The following CPA6 variants were observed in gnomAD, a reference collection of about 807,000 sequenced individuals.
The protein encoded by CPA6 is carboxypeptidase B.
CPA6 carries 58 observed loss-of-function variants against 63.3 expected under a neutral mutation model. The ratio of observed to expected loss-of-function variants is 0.92; its 90% CI spans 0.74 to 1.14. The LOEUF (loss-of-function observed/expected upper bound fraction) is 1.14. Ranked by LOEUF, CPA6 falls within the 50% of genes most tolerant of loss-of-function variation. CPA6 has a pLI of 0.00. For missense variants in CPA6, 565 were observed against 526.6 expected (o/e 1.07, Z -0.71); for synonymous variants, 185 against 179.0 (o/e 1.03, Z -0.27).
At chr8:67,694,218 T>C (rs4321985) in intron 1 of CPA6, among the ~76,000 whole-genome samples, 47,889 of 152,142 alleles carry the variant, frequency 0.31, 7,749 homozygotes, top group South Asian at 0.37. Context: ...GCAGATCCAA[T>C]GGTGCTTGAA....
chr8:67,476,261 C>T (rs1811234843), intron 8 of CPA6, among the ~76,000 whole-genome samples: 1 of 152,038 alleles, frequency 6.6e-6, no homozygotes, highest in Non-Finnish European at 1.5e-5. Flanking sequence ...CCTCAGCCTC[C>T]CAAAGTGCTG....
intron 1 of CPA6, among the ~76,000 whole-genome samples, chr8:67,641,845 C>G (rs1214999517): frequency 6.6e-6 from 1 of 151,766 alleles, no homozygotes; most frequent in Non-Finnish European, 1.5e-5. Flanking sequence ...AGTTATAAAA[C>G]TAGTGAGAGA....
chr8:67,633,442 G>C (rs1297090759), intron 1 of CPA6, among the ~76,000 whole-genome samples: 1 of 152,160 alleles, frequency 6.6e-6, no homozygotes, highest in Non-Finnish European at 1.5e-5. Context: ...AGCACTTTGG[G>C]AGGCCAAGGC....
chr8:67,586,566 G>T (rs534159191), intron 2 of CPA6, among the ~76,000 whole-genome samples: 4 of 152,118 alleles, frequency 2.6e-5, no homozygotes, highest in Non-Finnish European at 5.9e-5. Flanking sequence ...TTACCTCAGC[G>T]GGTAATGATA....
chr8:67,496,519 T>TTTTATA (rs1483713208), intron 6 of CPA6, among the ~76,000 whole-genome samples: 37 of 94,122 alleles, frequency 3.9e-4, no homozygotes, highest in African/African-American at 1.3e-3. Context: ...ACTATATAGT[T>TTTTATA]TATATATATA....
rs1004579077 is a variant in CPA6 at position 67,482,778 on chromosome 8, C to T, written c.838+990G>A. Among the ~76,000 whole-genome samples the T allele has an allele frequency of 1.8e-4, 28 of 152,206 alleles. 1 individual carries two copies. The highest frequency in any genetic ancestry group is 1.5e-5 in the Non-Finnish European group (1 of 68,034). ...AGATTGAATAAAATTGCCCAAATTA[C>T]TGAGCTAGTAATGGTAGAATCAGAC... On this transcript the variant is annotated intron_variant, in intron 8 of 10. Coordinates refer to ENST00000297770, the MANE Select transcript of CPA6 (RefSeq NM_020361.5).
At chr8:67,571,691 G>A (rs1324407869) in intron 2 of CPA6, among the ~76,000 whole-genome samples, 1 of 152,108 alleles carries the variant, frequency 6.6e-6, no homozygotes, top group Admixed American at 6.5e-5. Flanking sequence ...TGCAGCAAAA[G>A]CAGTTGTAAG....
intron 2 of CPA6, among the ~76,000 whole-genome samples, chr8:67,563,298 C>T (rs2128974856): frequency 6.6e-6 from 1 of 152,270 alleles, no homozygotes; most frequent in Non-Finnish European, 1.5e-5. Flanking sequence ...GCCTGGGTTG[C>T]ATTTGACTGA....
rs551740919 is a variant in CPA6 at position 67,661,798 on chromosome 8, T to C, written c.117-37547A>G. On this transcript the variant is annotated intron_variant, in intron 1 of 10. Transcript: ENST00000297770. Reference sequence around the variant, plus strand: ...TCTTCCCAGGCCCTGGCAACCACTATTCTACTGTCTGTCTCTATGAACTTG... The same window carrying C: ...TCTTCCCAGGCCCTGGCAACCACTACTCTACTGTCTGTCTCTATGAACTTG... Among the ~76,000 whole-genome samples, 10 of 152,300 alleles carry C rather than the reference T, an allele frequency of 6.6e-5. No homozygotes were observed. In the South Asian group the frequency reaches 2.1e-3, roughly 32 times the overall value.
chr8:67,664,217 G>A (rs577559297), intron 1 of CPA6, among the ~76,000 whole-genome samples: 3 of 152,278 alleles, frequency 2.0e-5, no homozygotes, highest in East Asian at 1.9e-4. Context: ...TCCACCTTGC[G>A]AGGTGAGAGA....
chr8:67,592,037 T>C (rs1477893810), intron 2 of CPA6, among the ~76,000 whole-genome samples: 2 of 152,172 alleles, frequency 1.3e-5, no homozygotes, highest in Non-Finnish European at 2.9e-5. Context: ...CATAGATAGC[T>C]CTTATTATTT....
intron 5 of CPA6, 58 bp from the exon 6 acceptor site, chr8:67,506,946 T>A (rs1811942761): frequency 8.4e-7 from 1 of 1,188,486 alleles, no homozygotes; most frequent in African/African-American, 1.5e-5. Context: ...CTGACCAGCA[T>A]AATTTAATAA....
At chr8:67,720,001 G>T (rs1817461869) in intron 1 of CPA6, among the ~76,000 whole-genome samples, 1 of 152,136 alleles carries the variant, frequency 6.6e-6, no homozygotes, top group Admixed American at 6.5e-5. Flanking sequence ...CACCAAACAG[G>T]CTTTGTGTGA....
intron 2 of CPA6, among the ~76,000 whole-genome samples, chr8:67,562,506 T>C (rs1485881662): frequency 6.6e-6 from 1 of 152,058 alleles, no homozygotes; most frequent in African/African-American, 2.4e-5. Context: ...TCTGCATTCG[T>C]TTTGTGGTTC....
At chr8:67,659,113 G>A (rs1816052507) in intron 1 of CPA6, among the ~76,000 whole-genome samples, 1 of 152,216 alleles carries the variant, frequency 6.6e-6, no homozygotes, top group Admixed American at 6.5e-5. Context: ...GCCCTATGCT[G>A]GCTGGCCCTG....
intron 2 of CPA6, among the ~76,000 whole-genome samples, chr8:67,575,311 A>G (rs1023115580): frequency 3.9e-5 from 6 of 152,226 alleles, no homozygotes; most frequent in African/African-American, 1.4e-4. Flanking sequence ...TACAGCCATT[A>G]TGGAAAACTG....
At chr8:67,648,815 A>G (rs866133554) in intron 1 of CPA6, among the ~76,000 whole-genome samples, 3 of 152,222 alleles carry the variant, frequency 2.0e-5, no homozygotes, top group Non-Finnish European at 4.4e-5. Flanking sequence ...TGTTAACCAA[A>G]AATAAGAGTT....
chr8:67,506,648 A>AAGC, intron 6 of CPA6, 139 bp downstream of exon 6: 1 of 621,612 alleles, frequency 1.6e-6, no homozygotes, highest in African/African-American at 1.8e-5. Context: ...ATAAACATGA[A>AAGC]AGCAGCCCAT....
intron 2 of CPA6, among the ~76,000 whole-genome samples, chr8:67,543,392 T>C (rs1356032159): frequency 6.6e-6 from 1 of 152,242 alleles, no homozygotes; most frequent in African/African-American, 2.4e-5. Flanking sequence ...ACACAACTTC[T>C]TACAGCAGCA....
Sources: gnomAD v4.1 joint callset for allele counts (sites outside exome capture counted in the v4.1 genomes callset) on GRCh38, gnomAD v4.1.1 for gene constraint, MANE v1.5 for transcripts, NCBI Gene and HGNC (gene_info 2026-07-23, HGNC 2026-07-21) for gene names.